The following GRID2 variants were observed in gnomAD, a reference collection of about 807,000 sequenced individuals.
GRID2 encodes glutamate ionotropic receptor delta type subunit 2, also known as glutamate receptor ionotropic, delta-2.
Under a neutral mutation model 114.8 loss-of-function variants are expected in GRID2, and 33 were observed. That is an observed-to-expected ratio of 0.29 (90% CI 0.22 to 0.38). The LOEUF (loss-of-function observed/expected upper bound fraction) is 0.38. Among genes scored for constraint, GRID2 ranks in the 10% least tolerant of loss-of-function variants. The pLI is 1.00. For missense variants in GRID2, 1,184 were observed against 1,257.7 expected (o/e 0.94, Z 0.89); for synonymous variants, 505 against 449.9 (o/e 1.12, Z -1.55).
At chr4:92,826,124 A>G (rs1388602729) in intron 2 of GRID2, among the ~76,000 whole-genome samples, 3 of 152,024 alleles carry the variant, frequency 2.0e-5, no homozygotes, top group Non-Finnish European at 4.4e-5. Context: ...TAGAAATCCT[A>G]TGTAATCTGC....
At chr4:93,066,215 A>G (rs956761377) in intron 2 of GRID2, among the ~76,000 whole-genome samples, 1 of 152,110 alleles carries the variant, frequency 6.6e-6, no homozygotes, top group South Asian at 2.1e-4. Context: ...CCCTTTTTAT[A>G]AAGATTTCAT....
chr4:93,520,995 G>T (rs922307935), intron 13 of GRID2, among the ~76,000 whole-genome samples: 5 of 152,100 alleles, frequency 3.3e-5, no homozygotes, highest in African/African-American at 1.2e-4. Flanking sequence ...TGAGGCGGGG[G>T]TGGACCAGAG....
chr4:93,328,360 T>C (rs1021005279), intron 8 of GRID2, among the ~76,000 whole-genome samples: 1 of 152,128 alleles, frequency 6.6e-6, no homozygotes, highest in Admixed American at 6.6e-5. Context: ...TTATTTTCAT[T>C]GTATGAAAAA....
intron 2 of GRID2, among the ~76,000 whole-genome samples, chr4:92,590,845 T>C (rs1728677466): frequency 6.6e-6 from 1 of 152,318 alleles, no homozygotes; most frequent in African/African-American, 2.4e-5. Context: ...GTAAATTAAA[T>C]TTTTTCATTG....
intron 2 of GRID2, among the ~76,000 whole-genome samples, chr4:92,902,708 T>G (rs1291695832): frequency 6.6e-6 from 1 of 152,086 alleles, no homozygotes; most frequent in Non-Finnish European, 1.5e-5. Context: ...CTTCTAGACA[T>G]GGCAGTCCAA....
Position 93,672,743 on chromosome 4 carries a change from CA to C in GRID2, c.2360+46309del, listed in dbSNP as rs1724536029. Among the ~76,000 whole-genome samples, 8 of 152,342 alleles carry C rather than the reference CA, an allele frequency of 5.3e-5. No homozygotes were observed. In the South Asian group the frequency reaches 1.7e-3, roughly 32 times the overall value. On this transcript the variant is annotated intron_variant, in intron 14 of 15. Transcript: ENST00000282020. ...ACCTGCTTTGTTTTTGCTTATACCA[CA>C]GCCATCTAACCAATTTGTAGATATC...
chr4:92,407,493 T>C (rs1017887705), intron 1 of GRID2, among the ~76,000 whole-genome samples: 1 of 152,172 alleles, frequency 6.6e-6, no homozygotes, highest in Non-Finnish European at 1.5e-5. Context: ...TTTAAGTTCT[T>C]TGGGAAATCT....
rs371209786 is a variant in GRID2 at position 92,449,676 on chromosome 4, GATATATATATATATAT to G, written c.89-140435_89-140420del. On this transcript the variant is annotated intron_variant, in intron 1 of 15. Transcript: ENST00000282020. The stretch of plus-strand genomic sequence containing the variant: ...TCAAATATGTCTATCTTTTCTTACT[GATATATATATATATAT>G]ATATATATATATATATATAACACTT... Among the ~76,000 whole-genome samples, 25 of 96,746 alleles carry G rather than the reference GATATATATATATATAT, an allele frequency of 2.6e-4. 1 individual carries two copies. The highest frequency in any genetic ancestry group is 3.2e-4 in the Non-Finnish European group (16 of 49,650). The allele number at this position is 96,746 out of a possible 152,430, so 63.5% of individuals were successfully genotyped here. A position where few individuals can be genotyped will look rare whatever the true frequency, so the allele number is the denominator to read the frequency against.
At chr4:92,467,620 G>T (rs2149092933) in intron 1 of GRID2, among the ~76,000 whole-genome samples, 1 of 152,064 alleles carries the variant, frequency 6.6e-6, no homozygotes, top group South Asian at 2.1e-4. Flanking sequence ...TGTGCATCTA[G>T]AACAGGGGTA....
intron 10 of GRID2, among the ~76,000 whole-genome samples, chr4:93,434,543 GAAAACA>G (rs1243295741): frequency 6.6e-6 from 1 of 151,668 alleles, no homozygotes; most frequent in Non-Finnish European, 1.5e-5. Flanking sequence ...CACAGCAGCA[GAAAACA>G]AAAACAAAAA....
At chr4:93,211,137 C>A (rs1743421171) in intron 5 of GRID2, among the ~76,000 whole-genome samples, 1 of 151,756 alleles carries the variant, frequency 6.6e-6, no homozygotes, top group African/African-American at 2.4e-5. Flanking sequence ...TTTTAATATC[C>A]AATTTAGCTT....
chr4:93,746,453 G>A (rs866089128), intron 14 of GRID2, among the ~76,000 whole-genome samples: 6 of 151,720 alleles, frequency 4.0e-5, no homozygotes, highest in African/African-American at 1.5e-4. Flanking sequence ...AAGCAGGATG[G>A]TCAATTCTTC....
At chr4:92,927,932 A>AAATCCAG (rs1043492739) in intron 2 of GRID2, among the ~76,000 whole-genome samples, 6 of 151,716 alleles carry the variant, frequency 4.0e-5, no homozygotes, top group African/African-American at 1.4e-4. Flanking sequence ...CCAAAATCCA[A>AAATCCAG]AATGCTTCAG....
chr4:93,030,575 G>C (rs2149257006), intron 2 of GRID2, among the ~76,000 whole-genome samples: 1 of 151,858 alleles, frequency 6.6e-6, no homozygotes, highest in East Asian at 1.9e-4. Flanking sequence ...AGTAGAGACA[G>C]GATTTTGCCA....
At chr4:93,382,496 G>A (rs555826370) in intron 8 of GRID2, among the ~76,000 whole-genome samples, 55 of 151,794 alleles carry the variant, frequency 3.6e-4, no homozygotes, top group Non-Finnish European at 7.1e-4. Context: ...CTTTCTTCTG[G>A]CTGCTTAAAT....
chr4:93,535,270 A>ACACC (rs1201062127), intron 13 of GRID2, among the ~76,000 whole-genome samples: 1 of 136,900 alleles, frequency 7.3e-6, no homozygotes, highest in Non-Finnish European at 1.6e-5. Flanking sequence ...ACACACACAC[A>ACACC]CCACATTTTC....
chr4:92,965,962 A>C (rs974338984), intron 2 of GRID2, among the ~76,000 whole-genome samples: 2 of 151,876 alleles, frequency 1.3e-5, no homozygotes, highest in African/African-American at 4.8e-5. Context: ...TAAAGTTCAT[A>C]CCTTTTGCCA....
intron 1 of GRID2, among the ~76,000 whole-genome samples, chr4:92,372,612 A>G (rs1259674219): frequency 6.6e-6 from 1 of 152,166 alleles, no homozygotes; most frequent in Non-Finnish European, 1.5e-5. Context: ...TGGAAAACCT[A>G]AAACTTTGTG....
intron 1 of GRID2, among the ~76,000 whole-genome samples, chr4:92,337,392 CTGAGTTGGAGATTCT>C (rs1308394958): frequency 6.6e-6 from 1 of 152,050 alleles, no homozygotes. Context: ...CAAGCAGAGC[CTGAGTTGGAGATTCT>C]TGGGTAAGCA....
Sources: gnomAD v4.1 joint callset for allele counts (sites outside exome capture counted in the v4.1 genomes callset) on GRCh38, gnomAD v4.1.1 for gene constraint, MANE v1.5 for transcripts, NCBI Gene and HGNC (gene_info 2026-07-23, HGNC 2026-07-21) for gene names.